LMBRD1: variants seen among roughly 807,000 people sequenced by gnomAD.
LMBRD1 encodes lysosomal cobalamin transport escort protein LMBD1.
A neutral mutation model predicts 74.8 loss-of-function variants in LMBRD1; 64 were observed. The ratio of observed to expected loss-of-function variants is 0.86; its 90% confidence interval spans 0.70 to 1.05. LMBRD1 has a LOEUF of 1.05. Ranked by LOEUF, LMBRD1 falls within the 50% of genes least tolerant of loss-of-function variation. The pLI, the probability that LMBRD1 is intolerant of heterozygous loss-of-function variation, is 0.00. For missense variants in LMBRD1, 652 were observed against 645.9 expected, an observed-to-expected ratio of 1.01 and a Z score of -0.10; for synonymous variants, 204 against 216.3, an observed-to-expected ratio of 0.94 and a Z score of 0.50.
At position 69,796,994 on chromosome 6, in the gene LMBRD1, G is replaced by C; in HGVS notation, c.-113C>G. On this transcript the variant is annotated 5_prime_UTR_variant, in exon 1 of 16. Transcript: ENST00000649934. ...GCGCACCCTAAAGGTTAAAGGGGCG[G>C]AGGGGGAGGAGCAAGTGGTTGCCAA... 3.4e-6 allele frequency: 3 copies of C among 893,476 alleles called. No homozygotes were observed. The South Asian group carries it at 4.3e-5, about 13-fold the overall frequency. 55.3% of individuals were successfully genotyped at this position (893,476 alleles called of 1,614,324 possible). A position where few individuals can be genotyped will look rare whatever the true frequency, so the allele number is the denominator to read the frequency against.
At chr6:69,761,637 T>A (rs1002764147) in intron 3 of LMBRD1, among the ~76,000 whole-genome samples, 7 of 152,206 alleles carry the variant, frequency 4.6e-5, no homozygotes, top group Non-Finnish European at 2.9e-5. Context: ...TCCCAACAAC[T>A]TTGATACACA....
chr6:69,735,286 A>G (rs1766950824), intron 7 of LMBRD1, among the ~76,000 whole-genome samples: 1 of 152,132 alleles, frequency 6.6e-6, no homozygotes, highest in Non-Finnish European at 1.5e-5. Flanking sequence ...AATTTCAGAC[A>G]TACCAATTCA....
intron 7 of LMBRD1, among the ~76,000 whole-genome samples, chr6:69,730,043 GA>G (rs201894994): frequency 6.1e-5 from 9 of 148,422 alleles, no homozygotes; most frequent in African/African-American, 1.2e-4. Context: ...TGAATTTCCA[GA>G]AAAAAAAATC....
At chr6:69,678,154 G>A (rs1191847401) in intron 14 of LMBRD1, among the ~76,000 whole-genome samples, 1 of 152,038 alleles carries the variant, frequency 6.6e-6, no homozygotes, top group African/African-American at 2.4e-5. Context: ...CACATATTTT[G>A]TATGTTATGT....
intron 14 of LMBRD1, among the ~76,000 whole-genome samples, chr6:69,683,966 C>T (rs970528228): frequency 6.6e-6 from 1 of 152,072 alleles, no homozygotes; most frequent in Admixed American, 6.5e-5. Flanking sequence ...CCAGCAATGA[C>T]ACTTCCCAGT....
chr6:69,728,113 T>C (rs979362214), intron 7 of LMBRD1, among the ~76,000 whole-genome samples: 5 of 152,268 alleles, frequency 3.3e-5, no homozygotes, highest in African/African-American at 9.6e-5. Context: ...AGGAAACTTA[T>C]AATTGTCGCA....
intron 12 of LMBRD1, among the ~76,000 whole-genome samples, chr6:69,699,591 C>A (rs1305949005): frequency 1.3e-5 from 2 of 151,714 alleles, no homozygotes; most frequent in Non-Finnish European, 3.0e-5. Flanking sequence ...ATACTCGTGA[C>A]CTCCTTATAC....
chr6:69,753,459 G>A (rs568769561), intron 3 of LMBRD1, among the ~76,000 whole-genome samples: 36 of 152,308 alleles, frequency 2.4e-4, no homozygotes, highest in African/African-American at 8.4e-4. Flanking sequence ...AGGATGTGGA[G>A]GAACTGGAAC....
chr6:69,756,320 G>A (rs111869907), intron 3 of LMBRD1, among the ~76,000 whole-genome samples: 115 of 148,552 alleles, frequency 7.7e-4, no homozygotes, highest in African/African-American at 2.8e-3. Flanking sequence ...CCCAATTCGC[G>A]CCACTGCACT....
chr6:69,689,322 G>A (rs1432037849), intron 14 of LMBRD1, among the ~76,000 whole-genome samples: 1 of 152,038 alleles, frequency 6.6e-6, no homozygotes, highest in African/African-American at 2.4e-5. Flanking sequence ...CTTATATACT[G>A]TCAACTCTCC....
In LMBRD1 at chr6:69,796,804, C is replaced by CT. The variant is rs1288012913; in HGVS notation, c.69+8dup. 5.6e-6 allele frequency: 9 copies of CT among 1,613,260 alleles called. No individual in the cohort carries two copies. Among genetic ancestry groups the CT allele is most frequent in the African/African-American group, 1.3e-5 (1 of 74,850 alleles). On this transcript the variant is annotated intron_variant, in intron 1 of 15. Coordinates refer to ENST00000649934, the MANE Select transcript of LMBRD1 (RefSeq NM_018368.4). The stretch of plus-strand genomic sequence containing the variant: ...CAAACATGGGGAAAACTCCAAGCGC[C>CT]TCCCCTACCAGTAGTAAGAGGCCGA...
chr6:69,793,298 C>T (rs1766130583), intron 1 of LMBRD1, among the ~76,000 whole-genome samples: 1 of 152,082 alleles, frequency 6.6e-6, no homozygotes, highest in African/African-American at 2.4e-5. Context: ...GTTTGCAAAC[C>T]ACTGGGGCAG....
At chr6:69,736,201 C>T (rs561397744) in intron 7 of LMBRD1, among the ~76,000 whole-genome samples, 5 of 152,232 alleles carry the variant, frequency 3.3e-5, no homozygotes, top group African/African-American at 9.6e-5. Flanking sequence ...ACCCCCCCTC[C>T]GCCGACCCAC....
chr6:69,709,407 G>A (rs866218136), intron 9 of LMBRD1, among the ~76,000 whole-genome samples: 3 of 151,954 alleles, frequency 2.0e-5, no homozygotes, highest in East Asian at 1.9e-4. Context: ...ATTACATAAC[G>A]ATCAGTTTGT....
At chr6:69,771,605 A>G (rs1765578254) in intron 3 of LMBRD1, among the ~76,000 whole-genome samples, 1 of 152,180 alleles carries the variant, frequency 6.6e-6, no homozygotes, top group Admixed American at 6.6e-5. Context: ...TGCCTAGCAC[A>G]GCAAAATAGT....
chr6:69,693,640 T>G (rs1299574365), intron 14 of LMBRD1, among the ~76,000 whole-genome samples: 2 of 151,996 alleles, frequency 1.3e-5, no homozygotes, highest in Non-Finnish European at 2.9e-5. Flanking sequence ...TTATGAGTTA[T>G]TTATTATAGT....
rs139389727 is a variant in LMBRD1 at position 69,757,897 on chromosome 6, G to T, written c.308-5541C>A. ...GTTTAGCAGACCCACTAACATCAAAGAACACATTAAGAAAAAATTTTTAAG... is the reference window on the plus strand; with the variant it reads ...GTTTAGCAGACCCACTAACATCAAATAACACATTAAGAAAAAATTTTTAAG... On this transcript the variant is annotated intron_variant, in intron 3 of 15. Transcript: ENST00000649934. Among the ~76,000 whole-genome samples, 4 of 152,138 alleles carry T rather than the reference G, an allele frequency of 2.6e-5. No homozygotes were observed. In the East Asian group the frequency reaches 7.7e-4, roughly 29 times the overall value.
intron 2 of LMBRD1, among the ~76,000 whole-genome samples, chr6:69,789,454 G>T (rs1349385967): frequency 1.3e-5 from 2 of 151,996 alleles, no homozygotes; most frequent in Admixed American, 6.6e-5. Flanking sequence ...TTGAACCCAG[G>T]AGGCGGAGGT....
At chr6:69,707,233 C>G (rs1037712210) in intron 9 of LMBRD1, among the ~76,000 whole-genome samples, 2 of 152,116 alleles carry the variant, frequency 1.3e-5, no homozygotes, top group Non-Finnish European at 2.9e-5. Flanking sequence ...TTTGATGTAC[C>G]CTTTATCACT....
Sources: gnomAD v4.1 joint callset for allele counts (sites outside exome capture counted in the v4.1 genomes callset) on GRCh38, gnomAD v4.1.1 for gene constraint, MANE v1.5 for transcripts, NCBI Gene and HGNC (gene_info 2026-07-23, HGNC 2026-07-21) for gene names.